The following ABTB2 variants were observed in gnomAD, a reference collection of about 807,000 sequenced individuals.
ABTB2 encodes the protein ankyrin repeat and BTB/POZ domain-containing protein 2.
ABTB2 carries 56 observed loss-of-function variants against 104.1 expected under a neutral mutation model. That is an observed-to-expected ratio of 0.54 (90% CI 0.43 to 0.67). The LOEUF (loss-of-function observed/expected upper bound fraction) is 0.67, where lower values mean the gene tolerates loss of function less well. Among genes scored for constraint, ABTB2 ranks in the 30% least tolerant of loss-of-function variants. The pLI, the probability that ABTB2 is intolerant of heterozygous loss-of-function variation, is 0.00. For missense variants in ABTB2, 1,279 were observed against 1,407.7 expected, an observed-to-expected ratio of 0.91 and a Z score of 1.46; for synonymous variants, 606 against 608.2, an observed-to-expected ratio of 1.00 and a Z score of 0.05.
At chr11:34,307,933 G>A (rs189577721) in intron 1 of ABTB2, among the ~76,000 whole-genome samples, 63 of 152,218 alleles carry the variant, frequency 4.1e-4, no homozygotes, top group Admixed American at 1.8e-3. Flanking sequence ...TCCTGACCTC[G>A]TGACTGCCTG....
chr11:34,357,455 G>GT lies in ABTB2; in HGVS notation c.128dup (p.Asn43LysfsTer115). On this transcript the variant is annotated frameshift_variant, in exon 1 of 17. Transcript: ENST00000435224. LOFTEE classifies it high-confidence loss of function. The stretch of plus-strand genomic sequence containing the variant: ...CCCCGCGGTGCTGCTGCGCCGAAGA[G>GT]TTGAGCGCCTGCGAGTTGGACTTGG... The GT allele has an allele frequency of 6.5e-7, 1 of 1,548,116 alleles. No individual in the cohort carries two copies. The highest frequency in any genetic ancestry group is 8.7e-7 in the Non-Finnish European group (1 of 1,146,880).
At chr11:34,271,052 A>G (rs1439887772) in intron 1 of ABTB2, among the ~76,000 whole-genome samples, 1 of 152,132 alleles carries the variant, frequency 6.6e-6, no homozygotes, top group East Asian at 1.9e-4. Flanking sequence ...ACAGGGAGTA[A>G]CAAGCAGCCA....
intron 1 of ABTB2, among the ~76,000 whole-genome samples, chr11:34,303,615 A>T: frequency 7.0e-6 from 1 of 142,662 alleles, no homozygotes; most frequent in Non-Finnish European, 1.5e-5. Flanking sequence ...CTGTCCCCCT[A>T]TCTACAAAGA....
At chr11:34,289,212 T>C (rs965678565) in intron 1 of ABTB2, among the ~76,000 whole-genome samples, 12 of 152,196 alleles carry the variant, frequency 7.9e-5, no homozygotes, top group African/African-American at 2.9e-4. Context: ...CAGCTTCCCT[T>C]AACATCAAAG....
chr11:34,318,545 G>C (rs374614608), intron 1 of ABTB2, among the ~76,000 whole-genome samples: 1 of 152,294 alleles, frequency 6.6e-6, no homozygotes, highest in South Asian at 2.1e-4. Flanking sequence ...ACTGGTCTAA[G>C]GACACTCAGT....
At chr11:34,193,823 T>G (rs1853213667) in intron 3 of ABTB2, among the ~76,000 whole-genome samples, 1 of 152,286 alleles carries the variant, frequency 6.6e-6, no homozygotes, top group Non-Finnish European at 1.5e-5. Context: ...CAGGAGTAGA[T>G]GAAAGGAGGT....
intron 9 of ABTB2, among the ~76,000 whole-genome samples, chr11:34,164,081 A>G (rs1852761447): frequency 7.4e-6 from 1 of 135,226 alleles, no homozygotes; most frequent in South Asian, 2.5e-4. Flanking sequence ...AACTGGAAGT[A>G]AGTGTCCTGC....
At position 34,311,888 on chromosome 11, in the gene ABTB2, C is replaced by A. The variant is rs902049179; in HGVS notation, c.883+44813G>T. Among the ~76,000 whole-genome samples the A allele has an allele frequency of 3.3e-5, 5 of 152,282 alleles. No homozygotes were observed. In the East Asian group the frequency reaches 5.8e-4, roughly 18 times the overall value. On this transcript the variant is annotated intron_variant, in intron 1 of 16. Transcript: ENST00000435224. Reference sequence around the variant, plus strand: ...GGGCATGGTGGCTCACACCTGTAATCCCAGCACTTTGGGAGGCCAAGGTGG... The same window carrying A: ...GGGCATGGTGGCTCACACCTGTAATACCAGCACTTTGGGAGGCCAAGGTGG...
chr11:34,334,595 T>G (rs893374219), intron 1 of ABTB2, among the ~76,000 whole-genome samples: 12 of 152,168 alleles, frequency 7.9e-5, no homozygotes, highest in African/African-American at 2.9e-4. Context: ...AGCTAGAGCC[T>G]TGGCAACCAT....
chr11:34,251,995 A>G (rs1854062202), intron 1 of ABTB2, among the ~76,000 whole-genome samples: 1 of 152,144 alleles, frequency 6.6e-6, no homozygotes. Flanking sequence ...GCACTCAGGG[A>G]TCTAAGCTGC....
chr11:34,308,868 CAA>C (rs57658114), intron 1 of ABTB2, among the ~76,000 whole-genome samples: 900 of 77,762 alleles, frequency 0.012, 15 homozygotes, highest in African/African-American at 0.034. Flanking sequence ...GAAACTGTCT[CAA>C]AAAAAAAAAA....
rs531616407 is a variant in ABTB2 at position 34,325,053 on chromosome 11, G to T, written c.883+31648C>A. ...GGCTTCAAGTAATCCTCTTGCCTTG[G>T]CCCCCTCAAAGTGCTGGGATTACAG... On this transcript the variant is annotated intron_variant, in intron 1 of 16. Transcript: ENST00000435224. Among the ~76,000 whole-genome samples the T allele has an allele frequency of 6.2e-4, 94 of 152,148 alleles. 1 individual carries two copies. The highest frequency in any genetic ancestry group is 2.2e-3 in the African/African-American group (90 of 41,504).
rs572238953 is a variant in ABTB2 at position 34,198,493 on chromosome 11, T to C, written c.1031-955A>G. ...AACTTGAGGCTTATCTGATAAACATTTCCTGACCCCATATATTCATTCTCC... is the reference window on the plus strand; with the variant it reads ...AACTTGAGGCTTATCTGATAAACATCTCCTGACCCCATATATTCATTCTCC... On this transcript the variant is annotated intron_variant, in intron 2 of 16. Coordinates refer to ENST00000435224, the MANE Select transcript of ABTB2 (RefSeq NM_145804.3). 3.6e-4 allele frequency among the ~76,000 whole-genome samples: 54 copies of C among 151,706 alleles called. 1 individual carries two copies. Among genetic ancestry groups the C allele is most frequent in the Middle Eastern group, 3.4e-3 (1 of 294 alleles).
intron 1 of ABTB2, among the ~76,000 whole-genome samples, chr11:34,328,606 C>T (rs1855096177): frequency 6.6e-6 from 1 of 152,232 alleles, no homozygotes; most frequent in African/African-American, 2.4e-5. Flanking sequence ...TCATTCATTC[C>T]TCCAGAGCAG....
intron 1 of ABTB2, among the ~76,000 whole-genome samples, chr11:34,336,673 A>C (rs940095964): frequency 3.9e-5 from 6 of 151,962 alleles, no homozygotes; most frequent in South Asian, 2.1e-4. Flanking sequence ...AACAAACAAA[A>C]AAAAGCAGCT....
chr11:34,318,426 G>T (rs192759338), intron 1 of ABTB2, among the ~76,000 whole-genome samples: 48 of 152,282 alleles, frequency 3.2e-4, no homozygotes, highest in African/African-American at 1.1e-3. Flanking sequence ...TACTGCAAAA[G>T]ACATGATTCC....
chr11:34,322,301 T>C (rs1242241439), intron 1 of ABTB2, among the ~76,000 whole-genome samples: 2 of 152,220 alleles, frequency 1.3e-5, no homozygotes, highest in Non-Finnish European at 2.9e-5. Flanking sequence ...GACTAAGTAC[T>C]AGGTTGTATT....
In ABTB2 at chr11:34,227,916, G is replaced by A. The variant is rs541336208; in HGVS notation, c.884-23226C>T. On this transcript the variant is annotated intron_variant, in intron 1 of 16. Transcript: ENST00000435224. Reference sequence around the variant, plus strand: ...CACCTGGCTAATTTTTGTATTTTAAGTAGGGACAGGGTTTCGCAATGTTGG... The same window carrying A: ...CACCTGGCTAATTTTTGTATTTTAAATAGGGACAGGGTTTCGCAATGTTGG... Among the ~76,000 whole-genome samples, 3 of 131,844 alleles carry A rather than the reference G, an allele frequency of 2.3e-5. No individual in the cohort carries two copies. In the South Asian group the frequency reaches 8.0e-4, roughly 35 times the overall value. 86.5% of individuals were successfully genotyped at this position (131,844 alleles called of 152,430 possible).
intron 14 of ABTB2, among the ~76,000 whole-genome samples, chr11:34,158,410 C>CAA (rs200582871): frequency 7.3e-5 from 11 of 150,926 alleles, no homozygotes; most frequent in African/African-American, 2.4e-4. Context: ...GACTCCGTGT[C>CAA]AAAAAAAACA....
Sources: allele counts gnomAD v4.1 joint callset (sites outside exome capture counted in the v4.1 genomes callset), GRCh38; gene constraint gnomAD v4.1.1; transcripts MANE v1.5; gene names NCBI Gene and HGNC (gene_info 2026-07-23, HGNC 2026-07-21).